C1orf87: variants seen among roughly 807,000 people sequenced by gnomAD.
C1orf87 encodes chromosome 1 open reading frame 87, also known as uncharacterized protein C1orf87.
In C1orf87, 58 loss-of-function variants were observed where a neutral mutation model predicts 60.5. The observed-to-expected ratio is 0.96, with a 90% CI of 0.78 to 1.19. C1orf87 has a LOEUF of 1.19. Ranked by LOEUF, C1orf87 falls within the 50% of genes most tolerant of loss-of-function variation. C1orf87 has a pLI of 0.00. For synonymous variants in C1orf87, 236 were observed against 227.4 expected, an observed-to-expected ratio of 1.04 and a Z score of -0.34; for missense variants, 673 against 638.6, an observed-to-expected ratio of 1.05 and a Z score of -0.58.
At chr1:60,056,302 A>T (rs1645456198) in intron 2 of C1orf87, among the ~76,000 whole-genome samples, 1 of 152,190 alleles carries the variant, frequency 6.6e-6, no homozygotes, top group East Asian at 1.9e-4. Flanking sequence ...TACCATTTTA[A>T]ACATAGAAGA....
chr1:60,044,154 C>T (rs369860812), intron 3 of C1orf87, among the ~76,000 whole-genome samples: 56 of 152,286 alleles, frequency 3.7e-4, no homozygotes, highest in Middle Eastern at 3.4e-3. Flanking sequence ...CTCAGCCTCC[C>T]GAGTAGCTGG....
intron 3 of C1orf87, among the ~76,000 whole-genome samples, chr1:60,042,539 G>T (rs1262087743): frequency 6.6e-6 from 1 of 152,228 alleles, no homozygotes; most frequent in Admixed American, 6.5e-5. Flanking sequence ...AGTGAGCAGA[G>T]TGGGCAAGAA....
chr1:59,997,561 C>T (rs1435630741), intron 11 of C1orf87, 48 bp downstream of exon 11: 1 of 1,588,702 alleles, frequency 6.3e-7, no homozygotes, highest in East Asian at 2.2e-5. Flanking sequence ...TACTTTTAGA[C>T]TAGACCACAA....
At chr1:60,034,629 C>T (rs946302269) in intron 6 of C1orf87, among the ~76,000 whole-genome samples, 2 of 152,174 alleles carry the variant, frequency 1.3e-5, no homozygotes, top group African/African-American at 2.4e-5. Flanking sequence ...ACCACTGTGA[C>T]ATTGCTGAAT....
chr1:60,013,634 C>A (rs1645104468), intron 8 of C1orf87, among the ~76,000 whole-genome samples: 1 of 149,838 alleles, frequency 6.7e-6, no homozygotes, highest in Non-Finnish European at 1.5e-5. Flanking sequence ...AGATTTGGAG[C>A]CTGCAGAATT....
chr1:60,056,408 A>T (rs1380099049), intron 2 of C1orf87, among the ~76,000 whole-genome samples: 3 of 152,196 alleles, frequency 2.0e-5, no homozygotes, highest in Non-Finnish European at 4.4e-5. Context: ...CATGTGTATT[A>T]AGGAGAAAAA....
intron 8 of C1orf87, among the ~76,000 whole-genome samples, chr1:60,014,500 T>C (rs1180450094): frequency 6.6e-6 from 1 of 152,076 alleles, no homozygotes; most frequent in Non-Finnish European, 1.5e-5. Context: ...TTGGGGGTTG[T>C]TAGGCAGATG....
intron 7 of C1orf87, 29 bp from the exon 8 acceptor site, chr1:60,025,527 T>G: frequency 1.3e-6 from 2 of 1,513,556 alleles, no homozygotes; most frequent in Non-Finnish European, 1.8e-6. Context: ...TAAAAAAGAT[T>G]TGATGTTTCA....
At chr1:60,026,587 CAAGG>C (rs1237596247) in intron 7 of C1orf87, among the ~76,000 whole-genome samples, 13 of 149,006 alleles carry the variant, frequency 8.7e-5, no homozygotes, top group Non-Finnish European at 1.8e-4. Flanking sequence ...AGTGGGGTAT[CAAGG>C]AAGGAAGGAA....
intron 11 of C1orf87, among the ~76,000 whole-genome samples, chr1:59,996,448 C>A (rs1352644489): frequency 1.3e-5 from 2 of 152,090 alleles, no homozygotes; most frequent in Non-Finnish European, 2.9e-5. Context: ...TTCATTACAC[C>A]ACTCCTCTAC....
chr1:60,069,627 A>G (rs539356735), intron 2 of C1orf87, among the ~76,000 whole-genome samples: 28 of 152,274 alleles, frequency 1.8e-4, no homozygotes, highest in Non-Finnish European at 3.4e-4. Context: ...TAACTTAAGG[A>G]AAGAGGGAAG....
chr1:60,039,826 G>A (rs1574315338), intron 5 of C1orf87, 91 bp downstream of exon 5: 11 of 1,388,320 alleles, frequency 7.9e-6, no homozygotes, highest in Middle Eastern at 2.1e-4. Context: ...TTATTTGCAA[G>A]AAAGTAGCTA....
At chr1:60,066,044 T>G (rs1645544048) in intron 2 of C1orf87, among the ~76,000 whole-genome samples, 1 of 152,182 alleles carries the variant, frequency 6.6e-6, no homozygotes, top group African/African-American at 2.4e-5. Flanking sequence ...TTAAAAATAC[T>G]TTGTTGTTAA....
intron 2 of C1orf87, among the ~76,000 whole-genome samples, chr1:60,071,006 G>A (rs773513485): frequency 5.3e-5 from 8 of 152,116 alleles, no homozygotes; most frequent in Non-Finnish European, 1.0e-4. Context: ...ATCTGAGCCA[G>A]GTGTCCAAAC....
chr1:60,028,657 C>T (rs919934982), intron 7 of C1orf87, among the ~76,000 whole-genome samples: 3 of 152,118 alleles, frequency 2.0e-5, no homozygotes, highest in African/African-American at 7.2e-5. Flanking sequence ...CCCTCTTTTC[C>T]CACAGATAGC....
At chr1:60,053,195 A>G (rs368592157) in intron 3 of C1orf87, among the ~76,000 whole-genome samples, 4 of 152,202 alleles carry the variant, frequency 2.6e-5, no homozygotes, top group African/African-American at 9.7e-5. Context: ...TATAAGAGAA[A>G]AACTAGAAAT....
chr1:60,050,501 C>T (rs112044869), intron 3 of C1orf87, among the ~76,000 whole-genome samples: 7 of 150,606 alleles, frequency 4.6e-5, no homozygotes, highest in African/African-American at 1.7e-4. Context: ...GATTTTATAA[C>T]TATCTAGTTT....
rs375837821 is a variant in C1orf87, at chr1:60,055,364, A to G, written c.182T>C (p.Met61Thr). ...AATGGGAACTGGGGTGTCTCTGCTC[A>G]TCTGCCTTGCATTATCAGTCATTGG... Reference protein sequence around the residue: ...QKPMTDNARQMSRDTPVPINF... With the variant: ...QKPMTDNARQTSRDTPVPINF... Residue 61 changes from methionine to threonine, a missense_variant, in exon 3 of 12, where the codon ATG (methionine) becomes ACG (threonine). Transcript: ENST00000371201. The G allele has an allele frequency of 3.6e-5, 58 of 1,614,026 alleles. No homozygotes were observed. The highest frequency in any genetic ancestry group is 4.7e-5 in the Non-Finnish European group (56 of 1,180,028).
chr1:60,010,323 G>A, intron 9 of C1orf87, 69 bp downstream of exon 9: 1 of 1,362,746 alleles, frequency 7.3e-7, no homozygotes, highest in Non-Finnish European at 1.0e-6. Flanking sequence ...ACTCAAACTA[G>A]GCAGCATAGT....
Sources: allele counts gnomAD v4.1 joint callset (sites outside exome capture counted in the v4.1 genomes callset), GRCh38; gene constraint gnomAD v4.1.1; transcripts MANE v1.5; gene names NCBI Gene and HGNC (gene_info 2026-07-23, HGNC 2026-07-21).